Variants in CERS3 observed in about 807,000 individuals in gnomAD.
CERS3 encodes the protein ceramide synthase 3.
Under a neutral mutation model 50.3 loss-of-function variants are expected in CERS3, and 33 were observed. That is an observed-to-expected ratio of 0.66 (90% CI 0.50 to 0.88). The LOEUF is 0.88. Among genes scored for constraint, CERS3 ranks in the 40% least tolerant of loss-of-function variants. The pLI is 0.00. For synonymous variants in CERS3, 176 were observed against 155.2 expected (o/e 1.13, Z -0.99); for missense variants, 470 against 460.3 (o/e 1.02, Z -0.19).
intron 1 of CERS3, among the ~76,000 whole-genome samples, chr15:100,539,168 G>T (rs34208464): frequency 0.017 from 2,537 of 152,228 alleles, 41 homozygotes; most frequent in African/African-American, 0.034. Context: ...GGACTTTATT[G>T]TCCACATCAC....
chr15:100,531,708 G>A (rs1027375780), upstream of CERS3, among the ~76,000 whole-genome samples: 3 of 152,342 alleles, frequency 2.0e-5, no homozygotes, highest in East Asian at 1.9e-4. Flanking sequence ...ATGCATGCAC[G>A]TGGGTATCAT....
chr15:100,537,285 G>A (rs1331160058), intron 1 of CERS3, among the ~76,000 whole-genome samples: 3 of 152,252 alleles, frequency 2.0e-5, no homozygotes, highest in Non-Finnish European at 4.4e-5. Context: ...CACACTGTCT[G>A]CCTTCTCATT....
At chr15:100,502,251 G>GAAAAAAAAAAAAAAAAAAAAAAAAAA (rs58654483) in intron 2 of CERS3, among the ~76,000 whole-genome samples, 11 of 113,698 alleles carry the variant, frequency 9.7e-5, no homozygotes, top group East Asian at 2.5e-4. Flanking sequence ...CTCAAAAAAA[G>GAAAAAAAAAAAAAAAAAAAAAAAAAA]AAAAAAAAAA....
intron 2 of CERS3, among the ~76,000 whole-genome samples, chr15:100,510,514 C>T (rs117308427): frequency 0.013 from 1,960 of 152,256 alleles, 24 homozygotes; most frequent in East Asian, 0.029. Context: ...TCAGGATGCT[C>T]CCAAGTATCC....
At chr15:100,460,605 T>C (rs1378369317) in intron 10 of CERS3, among the ~76,000 whole-genome samples, 1 of 152,226 alleles carries the variant, frequency 6.6e-6, no homozygotes, top group Non-Finnish European at 1.5e-5. Flanking sequence ...AGTTTCCATG[T>C]AATTCTGGTC....
intron 11 of CERS3, among the ~76,000 whole-genome samples, chr15:100,417,760 T>C (rs2032062048): frequency 1.3e-5 from 2 of 151,808 alleles, no homozygotes; most frequent in Admixed American, 1.3e-4. Context: ...CCTCCTCAAG[T>C]AGGTCCCTGA....
intron 10 of CERS3, among the ~76,000 whole-genome samples, chr15:100,464,473 C>T (rs1391215552): frequency 6.6e-6 from 1 of 152,204 alleles, no homozygotes. Context: ...AGACACTGAA[C>T]TCACAGGTTG....
chr15:100,443,323 C>A (rs1274943732), intron 11 of CERS3, among the ~76,000 whole-genome samples: 1 of 151,228 alleles, frequency 6.6e-6, no homozygotes, highest in Non-Finnish European at 1.5e-5. Context: ...AGCCTGTTAT[C>A]ACTCTCCTGC....
At chr15:100,465,552 C>A (rs1290435782) in intron 10 of CERS3, among the ~76,000 whole-genome samples, 1 of 152,184 alleles carries the variant, frequency 6.6e-6, no homozygotes, top group Non-Finnish European at 1.5e-5. Flanking sequence ...ATCTGCCAAA[C>A]TTCCAATGGC....
At chr15:100,423,474 T>C (rs1369994864) in intron 11 of CERS3, among the ~76,000 whole-genome samples, 1 of 152,148 alleles carries the variant, frequency 6.6e-6, no homozygotes, top group Non-Finnish European at 1.5e-5. Context: ...TGGAACAACA[T>C]GGATGCAGCT....
intron 11 of CERS3, among the ~76,000 whole-genome samples, chr15:100,437,582 A>G (rs2033478052): frequency 6.6e-6 from 1 of 152,224 alleles, no homozygotes; most frequent in South Asian, 2.1e-4. Flanking sequence ...GCTTGCTGAG[A>G]GCCAACTGCC....
At chr15:100,448,502 C>T (rs571822930) in intron 11 of CERS3, among the ~76,000 whole-genome samples, 1 of 152,338 alleles carries the variant, frequency 6.6e-6, no homozygotes, top group South Asian at 2.1e-4. Context: ...ATAAGACTAA[C>T]ATAGAGAGCT....
At chr15:100,446,692 A>G (rs1388178030) in intron 11 of CERS3, among the ~76,000 whole-genome samples, 3 of 152,196 alleles carry the variant, frequency 2.0e-5, no homozygotes, top group Non-Finnish European at 4.4e-5. Flanking sequence ...CTTTCAACTC[A>G]AAAGATCCTT....
At chr15:100,431,102 G>T (rs1292775778) in intron 11 of CERS3, among the ~76,000 whole-genome samples, 1 of 152,188 alleles carries the variant, frequency 6.6e-6, no homozygotes, top group Non-Finnish European at 1.5e-5. Context: ...ACTTTGGAGA[G>T]CATGGTTGTC....
intron 5 of CERS3, among the ~76,000 whole-genome samples, chr15:100,482,381 C>G (rs1484020885): frequency 6.6e-6 from 1 of 151,968 alleles, no homozygotes; most frequent in Non-Finnish European, 1.5e-5. Flanking sequence ...ACTGCTGGGG[C>G]CAGATGGGAG....
At chr15:100,467,388 G>A (rs1477400349) in intron 10 of CERS3, among the ~76,000 whole-genome samples, 1 of 152,020 alleles carries the variant, frequency 6.6e-6, no homozygotes, top group African/African-American at 2.4e-5. Context: ...CTGCAACCTG[G>A]GTGTATGTTT....
chr15:100,449,852 C>A (rs1234480063), intron 11 of CERS3, among the ~76,000 whole-genome samples: 1 of 152,010 alleles, frequency 6.6e-6, no homozygotes, highest in East Asian at 1.9e-4. Context: ...AAATCTAATA[C>A]CTTCAAAAAA....
chr15:100,513,943 C>G (rs76100037), intron 2 of CERS3, among the ~76,000 whole-genome samples: 3,732 of 152,288 alleles, frequency 0.025, 112 homozygotes, highest in Admixed American at 0.09. Context: ...CTTTCCAGAG[C>G]CCCAGATCCC....
intron 11 of CERS3, among the ~76,000 whole-genome samples, chr15:100,442,926 C>T (rs1380638063): frequency 1.3e-5 from 2 of 151,584 alleles, no homozygotes; most frequent in African/African-American, 2.4e-5. Flanking sequence ...GCCTCCATAA[C>T]TGTTGTGGGT....
Sources: gnomAD v4.1 joint callset for allele counts (sites outside exome capture counted in the v4.1 genomes callset) on GRCh38, gnomAD v4.1.1 for gene constraint, MANE v1.5 for transcripts, NCBI Gene and HGNC (gene_info 2026-07-23, HGNC 2026-07-21) for gene names.